MRAS: variants seen among roughly 807,000 people sequenced by gnomAD.
MRAS encodes muscle RAS oncogene homolog, also known as ras-related protein M-Ras.
MRAS carries 4 observed loss-of-function variants against 20.9 expected under a neutral mutation model. That is an observed-to-expected ratio of 0.19 (90% CI 0.09 to 0.44). MRAS has a LOEUF of 0.44. Among genes scored for constraint, MRAS ranks in the 20% least tolerant of loss-of-function variants. MRAS has a pLI of 0.99. For missense variants in MRAS, 154 were observed against 277.5 expected (o/e 0.56, Z 3.16); for synonymous variants, 98 against 102.9 (o/e 0.95, Z 0.29).
chr3:138,380,768 C>CT (rs200660339), intron 2 of MRAS, among the ~76,000 whole-genome samples: 6 of 149,900 alleles, frequency 4.0e-5, no homozygotes, highest in East Asian at 1.9e-4. Context: ...AATTTCTTTC[C>CT]TTTTTTTTTC....
intron 4 of MRAS, 130 bp from the exon 5 acceptor site, chr3:138,400,404 G>T: frequency 1.3e-6 from 1 of 757,526 alleles, no homozygotes; most frequent in South Asian, 1.6e-5. Flanking sequence ...TGAGGCTATT[G>T]GGGGCTGGGG....
At chr3:138,361,223 CACCAG>C (rs2054440009) in intron 1 of MRAS, among the ~76,000 whole-genome samples, 1 of 152,170 alleles carries the variant, frequency 6.6e-6, no homozygotes, top group South Asian at 2.1e-4. Flanking sequence ...TCCTTGAGGA[CACCAG>C]ACCAGGAATC....
chr3:138,385,232 A>G (rs541560789), intron 2 of MRAS, among the ~76,000 whole-genome samples: 1 of 133,488 alleles, frequency 7.5e-6, no homozygotes, highest in Non-Finnish European at 1.5e-5. Flanking sequence ...CAGTGGCATG[A>G]TCATGACTCA....
intron 1 of MRAS, among the ~76,000 whole-genome samples, chr3:138,350,830 C>T (rs1332906217): frequency 2.0e-5 from 3 of 151,174 alleles, no homozygotes; most frequent in Non-Finnish European, 4.4e-5. Context: ...GTAGTCTTAG[C>T]TACTTGGGAG....
At chr3:138,382,816 G>A (rs1298778577) in intron 2 of MRAS, among the ~76,000 whole-genome samples, 1 of 152,204 alleles carries the variant, frequency 6.6e-6, no homozygotes, top group Admixed American at 6.5e-5. Context: ...GTTAATGTGG[G>A]GTTTTGCCTG....
chr3:138,357,273 G>A (rs897186613), intron 1 of MRAS, among the ~76,000 whole-genome samples: 1 of 152,226 alleles, frequency 6.6e-6, no homozygotes, highest in African/African-American at 2.4e-5. Flanking sequence ...GGCAGGGAGG[G>A]GTCTGAGGCC....
chr3:138,368,102 G>A (rs2054600074), intron 1 of MRAS, among the ~76,000 whole-genome samples: 1 of 152,222 alleles, frequency 6.6e-6, no homozygotes. Flanking sequence ...TCCCAAAGTT[G>A]GTTTCTGCGT....
At chr3:138,360,220 G>A (rs2054417202) in intron 1 of MRAS, among the ~76,000 whole-genome samples, 1 of 152,224 alleles carries the variant, frequency 6.6e-6, no homozygotes, top group Admixed American at 6.5e-5. Flanking sequence ...AAGCAGTTGA[G>A]ATGGGGGGAT....
In MRAS at chr3:138,370,535, TG is replaced by T. The variant is rs550575725; in HGVS notation, c.-18-2329del. On this transcript the variant is annotated intron_variant, in intron 1 of 5. Coordinates refer to ENST00000423968, the MANE Select transcript of MRAS (RefSeq NM_001085049.3). ...TCTCCTTGGCCTGCCTTCACCGTCA[TG>T]GATTTGGCCATGGAAGAGCTCAGTT... 1.1e-3 allele frequency among the ~76,000 whole-genome samples: 170 copies of T among 152,138 alleles called. 1 individual carries two copies. Among genetic ancestry groups the T allele is most frequent in the Middle Eastern group, 0.01 (3 of 294 alleles).
chr3:138,365,847 TG>T (rs1209361148), intron 1 of MRAS, among the ~76,000 whole-genome samples: 1 of 152,036 alleles, frequency 6.6e-6, no homozygotes, highest in Non-Finnish European at 1.5e-5. Flanking sequence ...GCTCTGGGAA[TG>T]GGGGGGAGCA....
At chr3:138,371,291 AG>A (rs1184725689) in intron 1 of MRAS, among the ~76,000 whole-genome samples, 1 of 152,218 alleles carries the variant, frequency 6.6e-6, no homozygotes, top group African/African-American at 2.4e-5. Flanking sequence ...TCTCGACTGT[AG>A]CCCCATGCAA....
intron 2 of MRAS, among the ~76,000 whole-genome samples, chr3:138,392,466 G>A (rs949835779): frequency 6.6e-6 from 1 of 152,204 alleles, no homozygotes; most frequent in Non-Finnish European, 1.5e-5. Flanking sequence ...CTCTCATAAT[G>A]ATTATGGAAT....
chr3:138,355,542 A>G (rs2054314091), intron 1 of MRAS, among the ~76,000 whole-genome samples: 2 of 152,234 alleles, frequency 1.3e-5, no homozygotes, highest in African/African-American at 4.8e-5. Context: ...TGGTTTCATA[A>G]TAGATAGTGG....
At position 138,393,890 on chromosome 3, in the gene MRAS, G is replaced by A. The variant is rs138475223; in HGVS notation, c.194-3434G>A. 9.9e-4 allele frequency among the ~76,000 whole-genome samples: 151 copies of A among 151,768 alleles called. 3 individuals are homozygous for A. In the East Asian group the frequency reaches 0.024, roughly 24 times the overall value. On this transcript the variant is annotated intron_variant, in intron 2 of 5. Coordinates refer to ENST00000423968, the MANE Select transcript of MRAS (RefSeq NM_001085049.3). ...ATTTTTAATAGAGATGGGGTTTCAC[G>A]ATGTTGGCCAGGCTGGTCTTCAACT...
At chr3:138,399,435 G>A (rs2055312246) in intron 4 of MRAS, among the ~76,000 whole-genome samples, 1 of 152,170 alleles carries the variant, frequency 6.6e-6, no homozygotes, top group Non-Finnish European at 1.5e-5. Context: ...CAACAGAAGT[G>A]TGCACATCCA....
intron 2 of MRAS, among the ~76,000 whole-genome samples, chr3:138,396,880 C>T (rs912757713): frequency 1.2e-4 from 18 of 152,072 alleles, no homozygotes; most frequent in Admixed American, 4.6e-4. Context: ...GGTAGAGGCA[C>T]GGTTTTCATT....
rs74379429 is a variant in MRAS, at chr3:138,395,733, T to G, written c.194-1591T>G. On this transcript the variant is annotated intron_variant, in intron 2 of 5. Transcript: ENST00000423968. ...CAGCCATTCATTTGTTGATCTGTCT[T>G]GCTTCTAGATGGTGAGTCCCATAAA... Among the ~76,000 whole-genome samples, 574 of 152,332 alleles carry G rather than the reference T, an allele frequency of 3.8e-3. 4 individuals carry two copies. The highest frequency in any genetic ancestry group is 0.013 in the African/African-American group (559 of 41,580).
intron 1 of MRAS, among the ~76,000 whole-genome samples, chr3:138,358,612 T>A (rs1352122171): frequency 6.6e-6 from 1 of 152,388 alleles, no homozygotes; most frequent in East Asian, 1.9e-4. Context: ...GTGCCAGATA[T>A]GTGCTGGGCA....
At chr3:138,364,735 T>C (rs1262560952) in intron 1 of MRAS, among the ~76,000 whole-genome samples, 3 of 152,240 alleles carry the variant, frequency 2.0e-5, no homozygotes, top group Non-Finnish European at 2.9e-5. Context: ...TGGTACCAGA[T>C]CTATGCCCTG....
Sources: allele counts gnomAD v4.1 joint callset (sites outside exome capture counted in the v4.1 genomes callset), GRCh38; gene constraint gnomAD v4.1.1; transcripts MANE v1.5; gene names NCBI Gene and HGNC (gene_info 2026-07-23, HGNC 2026-07-21).